SPEF2: variants seen among roughly 807,000 people sequenced by gnomAD.
SPEF2 encodes sperm flagella and cilia-associated protein 2.
A neutral mutation model predicts 224.6 loss-of-function variants in SPEF2; 187 were observed. The ratio of observed to expected loss-of-function variants is 0.83; its 90% CI spans 0.74 to 0.94. The LOEUF is 0.94. SPEF2 is among the 40% of genes least tolerant of loss of function. The pLI is 0.00. For synonymous variants in SPEF2, 715 were observed against 707.3 expected (o/e 1.01, Z -0.17); for missense variants, 2,170 against 2,135.6 (o/e 1.02, Z -0.32).
intron 24 of SPEF2, among the ~76,000 whole-genome samples, chr5:35,757,460 C>T (rs773583931): frequency 6.6e-6 from 1 of 152,044 alleles, no homozygotes; most frequent in Non-Finnish European, 1.5e-5. Context: ...TAATACAATG[C>T]TATGGTTTAA....
chr5:35,765,757 A>T lies in SPEF2; in HGVS notation c.3801+2055A>T, dbSNP rs73086282. On this transcript the variant is annotated intron_variant, in intron 26 of 36. Transcript: ENST00000356031. ...TTAATTTTCAAATCAGCTTGTCAAGATTCACAAAAATGTTGGCTGCTGATT... is the reference window on the plus strand; with the variant it reads ...TTAATTTTCAAATCAGCTTGTCAAGTTTCACAAAAATGTTGGCTGCTGATT... 4.7e-3 allele frequency among the ~76,000 whole-genome samples: 723 copies of T among 152,262 alleles called. 7 individuals carry two copies. The highest frequency in any genetic ancestry group is 0.016 in the African/African-American group (676 of 41,564).
At chr5:35,647,036 T>C (rs962667208) in intron 5 of SPEF2, among the ~76,000 whole-genome samples, 1 of 152,056 alleles carries the variant, frequency 6.6e-6, no homozygotes, top group Admixed American at 6.6e-5. Context: ...GGCAAACTCC[T>C]ATTAAATGGC....
chr5:35,723,459 C>G (rs1243462546), intron 20 of SPEF2, among the ~76,000 whole-genome samples: 1 of 152,110 alleles, frequency 6.6e-6, no homozygotes. Flanking sequence ...CTGATGATCA[C>G]TAACATTTGA....
chr5:35,782,313 T>C lies in SPEF2; in HGVS notation c.4447+2967T>C, dbSNP rs183663929. Reference sequence around the variant, plus strand: ...TTTCAAATGTGTGATCCTGCAGAACTTCCTGCTCAAACTTGCTATTATTTC... The same window carrying C: ...TTTCAAATGTGTGATCCTGCAGAACCTCCTGCTCAAACTTGCTATTATTTC... On this transcript the variant is annotated intron_variant, in intron 30 of 36. Transcript: ENST00000356031. 1.3e-3 allele frequency among the ~76,000 whole-genome samples: 204 copies of C among 152,324 alleles called. 1 individual carries two copies. The highest frequency in any genetic ancestry group is 4.5e-3 in the African/African-American group (189 of 41,574).
At chr5:35,695,264 GGT>G (rs1491403242) in intron 13 of SPEF2, among the ~76,000 whole-genome samples, 6 of 124,310 alleles carry the variant, frequency 4.8e-5, no homozygotes, top group South Asian at 2.4e-4. Flanking sequence ...TAAAACTTCT[GGT>G]TTTTTTTTTT....
At chr5:35,632,791 T>A (rs1187896853) in intron 2 of SPEF2, among the ~76,000 whole-genome samples, 1 of 152,206 alleles carries the variant, frequency 6.6e-6, no homozygotes, top group Non-Finnish European at 1.5e-5. Context: ...TATTCTAATT[T>A]CCCTTGTGGT....
Position 35,806,832 on chromosome 5 carries a change from A to C in SPEF2, c.5136A>C (p.Glu1712Asp), listed in dbSNP as rs367818714. Reference protein sequence around the residue: ...KREQKDEEIPENANNEKMSME... With the variant: ...KREQKDEEIPDNANNEKMSME... ...AACAGAAGGATGAAGAAATCCCTGA[A>C]AATGCAAACAATGAAAAGATGTCCA... The change falls in exon 35 of 37, where the codon GAA becomes GAC. Residue 1712 changes from glutamate (E) to aspartate (D), a missense_variant. Transcript: ENST00000356031. 2 of 1,614,064 alleles carry C rather than the reference A, an allele frequency of 1.2e-6. No individual in the cohort carries two copies. Among genetic ancestry groups the C allele is most frequent in the Non-Finnish European group, 1.7e-6 (2 of 1,179,982 alleles).
rs771413144 is a variant in SPEF2 at position 35,654,598 on chromosome 5, T to C, written c.850T>C (p.Tyr284His). Residue 284 changes from tyrosine (Y) to histidine (H), a missense_variant, in exon 7 of 37, where the codon TAC (tyrosine) becomes CAC (histidine). Coordinates refer to ENST00000356031, the MANE Select transcript of SPEF2 (RefSeq NM_024867.4). ...GACAACCACCGATTTGTTAAATACT[T>C]ACTCAGATGACGAGTACATTAAAAA... is the stretch of plus-strand genomic sequence containing the variant. ...GQTTTDLLNTYSDDEYIKKIQ... is the reference protein window; with the variant it reads ...GQTTTDLLNTHSDDEYIKKIQ... 1.5e-5 allele frequency: 25 copies of C among 1,613,352 alleles called. 1 individual carries two copies. The South Asian group carries it at 2.6e-4, about 17-fold the overall frequency.
chr5:35,753,879 G>T (rs1476780578), intron 24 of SPEF2, 118 bp downstream of exon 24: 1 of 1,249,684 alleles, frequency 8.0e-7, no homozygotes. Flanking sequence ...TTTTGGTATA[G>T]CACTATGCCT....
At chr5:35,785,223 T>G (rs1432614808) in intron 30 of SPEF2, among the ~76,000 whole-genome samples, 1 of 152,196 alleles carries the variant, frequency 6.6e-6, no homozygotes, top group Admixed American at 6.5e-5. Flanking sequence ...CTTTGCTTCC[T>G]TCAATGGGTG....
intron 10 of SPEF2, chr5:35,671,201 T>G: frequency 1.0e-6 from 1 of 985,186 alleles, no homozygotes; most frequent in East Asian, 1.1e-4. Flanking sequence ...CAAAGGTTTG[T>G]GGGACAAAGG....
At chr5:35,770,338 T>C (rs1752657920) in intron 26 of SPEF2, among the ~76,000 whole-genome samples, 1 of 152,166 alleles carries the variant, frequency 6.6e-6, no homozygotes, top group Non-Finnish European at 1.5e-5. Context: ...GTTACCTCAC[T>C]TATTATTTTT....
chr5:35,664,347 G>A lies in SPEF2; in HGVS notation c.1168-2725G>A, dbSNP rs970207655. Among the ~76,000 whole-genome samples, 11 of 150,644 alleles carry A rather than the reference G, an allele frequency of 7.3e-5. No individual in the cohort carries two copies. In the East Asian group the frequency reaches 2.2e-3, roughly 30 times the overall value. On this transcript the variant is annotated intron_variant, in intron 8 of 36. Transcript: ENST00000356031. ...GAAAAGAAAGGGAAAAGAGAGACGAGGGAAGGAAGGAAGGAAAGAAGGAAG... is the reference window on the plus strand; with the variant it reads ...GAAAAGAAAGGGAAAAGAGAGACGAAGGAAGGAAGGAAGGAAAGAAGGAAG...
intron 20 of SPEF2, among the ~76,000 whole-genome samples, chr5:35,720,958 A>T (rs1293574100): frequency 1.3e-5 from 1 of 75,022 alleles, no homozygotes; most frequent in African/African-American, 3.4e-5. Flanking sequence ...AGATTACCAT[A>T]AACTATTTAT....
intron 2 of SPEF2, among the ~76,000 whole-genome samples, chr5:35,635,941 T>TC (rs1332732393): frequency 3.9e-5 from 6 of 152,166 alleles, no homozygotes; most frequent in Non-Finnish European, 7.4e-5. Flanking sequence ...GTCCAAGACT[T>TC]CCCCACGGAG....
chr5:35,709,382 G>A, intron 19 of SPEF2: 23 of 1,227,174 alleles, frequency 1.9e-5, no homozygotes, highest in Non-Finnish European at 2.3e-5. Flanking sequence ...CCACAGACGA[G>A]AAGAGGAAAA....
intron 2 of SPEF2, among the ~76,000 whole-genome samples, chr5:35,634,289 A>G (rs1434245586): frequency 6.6e-6 from 1 of 151,968 alleles, no homozygotes; most frequent in Admixed American, 6.6e-5. Context: ...CTTGATTTGC[A>G]GTTTTTCTTT....
At chr5:35,621,059 A>C (rs1743436399) in intron 1 of SPEF2, among the ~76,000 whole-genome samples, 1 of 152,162 alleles carries the variant, frequency 6.6e-6, no homozygotes, top group African/African-American at 2.4e-5. Flanking sequence ...TGCCTTTGTA[A>C]TTTGAAGGGA....
At chr5:35,748,377 A>G (rs1389038181) in intron 23 of SPEF2, among the ~76,000 whole-genome samples, 2 of 152,264 alleles carry the variant, frequency 1.3e-5, no homozygotes, top group East Asian at 3.9e-4. Context: ...ACAAAAGACA[A>G]ATGAATCAAA....
Sources: allele counts gnomAD v4.1 joint callset (sites outside exome capture counted in the v4.1 genomes callset), GRCh38; gene constraint gnomAD v4.1.1; transcripts MANE v1.5; gene names NCBI Gene and HGNC (gene_info 2026-07-23, HGNC 2026-07-21).